DMRT1: variants seen among roughly 807,000 people sequenced by gnomAD.
The protein encoded by DMRT1 is doublesex- and mab-3-related transcription factor 1.
DMRT1 carries 7 observed loss-of-function variants against 32.3 expected under a neutral mutation model. The ratio of observed to expected loss-of-function variants is 0.22; its 90% CI spans 0.12 to 0.41. The LOEUF (loss-of-function observed/expected upper bound fraction) is 0.41. Among genes scored for constraint, DMRT1 ranks in the 10% least tolerant of loss-of-function variants. The probability of loss-of-function intolerance (pLI) is 1.00; values close to 1 mark genes in which losing one functional copy is unlikely to be tolerated. For missense variants in DMRT1, 625 were observed against 500.5 expected, an observed-to-expected ratio of 1.25 and a Z score of -2.37; for synonymous variants, 278 against 206.1, an observed-to-expected ratio of 1.35 and a Z score of -2.99.
chr9:864,155 A>G (rs921945133), intron 2 of DMRT1, among the ~76,000 whole-genome samples: 1 of 152,024 alleles, frequency 6.6e-6, no homozygotes, highest in African/African-American at 2.4e-5. Context: ...ATGGCCATAG[A>G]ATGGCTAAAC....
Position 912,231 on chromosome 9 carries a change from C to A in DMRT1, c.823-4532C>A, listed in dbSNP as rs569239127. On this transcript the variant is annotated intron_variant, in intron 3 of 4. Transcript: ENST00000382276. ...TATCATGAGAACAGATTGGGGCAAC[C>A]GCCCCCATGATCCAATCACCACCGC... Among the ~76,000 whole-genome samples, 385 of 152,316 alleles carry A rather than the reference C, an allele frequency of 2.5e-3. 3 individuals carry two copies. The highest frequency in any genetic ancestry group is 8.9e-3 in the African/African-American group (371 of 41,558).
At chr9:857,655 T>C in intron 2 of DMRT1, among the ~76,000 whole-genome samples, 1 of 152,050 alleles carries the variant, frequency 6.6e-6, no homozygotes, top group Non-Finnish European at 1.5e-5. Flanking sequence ...CTTTAAGTTT[T>C]AGGGTACATG....
At chr9:887,490 G>T (rs1816977216) in intron 2 of DMRT1, among the ~76,000 whole-genome samples, 1 of 152,096 alleles carries the variant, frequency 6.6e-6, no homozygotes, top group Admixed American at 6.5e-5. Flanking sequence ...TCACATTCAG[G>T]GTCTTCAGCA....
intron 2 of DMRT1, among the ~76,000 whole-genome samples, chr9:855,573 T>A (rs1287171886): frequency 6.6e-6 from 1 of 152,240 alleles, no homozygotes; most frequent in Non-Finnish European, 1.5e-5. Flanking sequence ...ATAAAACTAT[T>A]GATGTTCAGT....
chr9:874,521 G>A (rs1193368700), intron 2 of DMRT1, among the ~76,000 whole-genome samples: 1 of 152,102 alleles, frequency 6.6e-6, no homozygotes, highest in Admixed American at 6.6e-5. Context: ...ATACATGTCT[G>A]TGCATGCTAT....
At chr9:927,957 TTGCCACCCATTG>T (rs1818582496) in intron 4 of DMRT1, among the ~76,000 whole-genome samples, 1 of 152,224 alleles carries the variant, frequency 6.6e-6, no homozygotes, top group African/African-American at 2.4e-5. Context: ...CATACAACTG[TTGCCACCCATTG>T]TGGAGCATCT....
chr9:955,653 C>T (rs1819577897), intron 4 of DMRT1, among the ~76,000 whole-genome samples: 1 of 152,200 alleles, frequency 6.6e-6, no homozygotes, highest in Non-Finnish European at 1.5e-5. Context: ...CTGCAGTAAG[C>T]CGTGATAGTG....
chr9:941,498 G>A (rs1440581547), intron 4 of DMRT1, among the ~76,000 whole-genome samples: 1 of 152,154 alleles, frequency 6.6e-6, no homozygotes, highest in Non-Finnish European at 1.5e-5. Context: ...AAAACATAGA[G>A]GCAAAAAGTG....
chr9:864,072 A>G (rs1476798516), intron 2 of DMRT1, among the ~76,000 whole-genome samples: 3 of 152,178 alleles, frequency 2.0e-5, no homozygotes, highest in African/African-American at 7.2e-5. Context: ...TCTTTGGAGG[A>G]CAAGCAGAGG....
chr9:928,192 A>G (rs1818590177), intron 4 of DMRT1, among the ~76,000 whole-genome samples: 2 of 152,220 alleles, frequency 1.3e-5, no homozygotes, highest in Non-Finnish European at 2.9e-5. Context: ...CATTCACGCT[A>G]AAAGTGCCGA....
chr9:846,516 A>G (rs965036990), intron 1 of DMRT1, among the ~76,000 whole-genome samples: 2 of 151,992 alleles, frequency 1.3e-5, no homozygotes, highest in African/African-American at 4.8e-5. Context: ...CCCTTGGCTG[A>G]CTATAGTTTT....
At chr9:947,869 C>G (rs978221727) in intron 4 of DMRT1, among the ~76,000 whole-genome samples, 2 of 152,134 alleles carry the variant, frequency 1.3e-5, no homozygotes, top group African/African-American at 4.8e-5. Context: ...TAGATCTCAG[C>G]CGGAGCTGGA....
intron 4 of DMRT1, among the ~76,000 whole-genome samples, chr9:952,015 CATT>C (rs1201923500): frequency 1.3e-5 from 2 of 152,282 alleles, no homozygotes; most frequent in South Asian, 2.1e-4. Flanking sequence ...CAGCCTTTAA[CATT>C]GTTGTTTTCC....
intron 4 of DMRT1, among the ~76,000 whole-genome samples, chr9:952,978 T>G (rs1051323077): frequency 6.6e-6 from 1 of 152,232 alleles, no homozygotes; most frequent in Admixed American, 6.5e-5. Context: ...TCATAGCCTA[T>G]AGACTTAAAT....
chr9:908,890 CTT>C (rs1817875355), intron 3 of DMRT1, among the ~76,000 whole-genome samples: 1 of 152,182 alleles, frequency 6.6e-6, no homozygotes. Flanking sequence ...AAAAAGGACT[CTT>C]GGGTTCTTCA....
At chr9:945,752 T>C (rs1263304380) in intron 4 of DMRT1, among the ~76,000 whole-genome samples, 2 of 151,936 alleles carry the variant, frequency 1.3e-5, no homozygotes, top group African/African-American at 4.8e-5. Flanking sequence ...TTTTTTTTTT[T>C]TTTGCCAGTT....
chr9:922,286 C>T (rs536555573), intron 4 of DMRT1, among the ~76,000 whole-genome samples: 3 of 152,286 alleles, frequency 2.0e-5, no homozygotes, highest in Admixed American at 6.5e-5. Context: ...AAGCAGGCCT[C>T]TCCTGCTCCA....
intron 1 of DMRT1, chr9:843,020 C>T (rs1176915564): frequency 1.3e-5 from 2 of 152,228 alleles, no homozygotes; most frequent in African/African-American, 2.4e-5. Flanking sequence ...GCTCTTCTAG[C>T]AGAGAATTAA....
At chr9:914,690 A>C (rs1287016025) in intron 3 of DMRT1, among the ~76,000 whole-genome samples, 1 of 152,168 alleles carries the variant, frequency 6.6e-6, no homozygotes, top group Non-Finnish European at 1.5e-5. Context: ...GAAAGGATAA[A>C]GGGGACTTAC....
Sources: allele counts gnomAD v4.1 joint callset (sites outside exome capture counted in the v4.1 genomes callset), GRCh38; gene constraint gnomAD v4.1.1; transcripts MANE v1.5; gene names NCBI Gene and HGNC (gene_info 2026-07-23, HGNC 2026-07-21).